CADPS2: variants seen among roughly 807,000 people sequenced by gnomAD.
CADPS2 encodes the protein calcium dependent secretion activator 2.
CADPS2 carries 93 observed loss-of-function variants against 172.5 expected under a neutral mutation model. The observed-to-expected ratio is 0.54, with a 90% CI of 0.46 to 0.64. The LOEUF (loss-of-function observed/expected upper bound fraction) is 0.64. Among genes scored for constraint, CADPS2 ranks in the 30% least tolerant of loss-of-function variants. The probability of loss-of-function intolerance (pLI) is 0.00; values close to 1 mark genes in which losing one functional copy is unlikely to be tolerated. For missense variants in CADPS2, 1,420 were observed against 1,565.9 expected (o/e 0.91, Z 1.57); for synonymous variants, 546 against 555.2 (o/e 0.98, Z 0.23).
intron 25 of CADPS2, among the ~76,000 whole-genome samples, chr7:122,370,634 G>T (rs1048189192): frequency 2.0e-5 from 3 of 152,112 alleles, no homozygotes; most frequent in Non-Finnish European, 4.4e-5. Context: ...GGCACAGAGG[G>T]CATTGGGTAA....
chr7:122,746,966 C>T (rs191108094), intron 1 of CADPS2, among the ~76,000 whole-genome samples: 13 of 152,212 alleles, frequency 8.5e-5, no homozygotes, highest in East Asian at 7.7e-4. Context: ...TCATTGACAG[C>T]GTCTGCCTCA....
chr7:122,542,608 C>T (rs2063213994), intron 8 of CADPS2, among the ~76,000 whole-genome samples: 1 of 152,100 alleles, frequency 6.6e-6, no homozygotes, highest in South Asian at 2.1e-4. Context: ...TATCTATATT[C>T]TTTGCAGTAT....
chr7:122,836,459 C>G (rs1808452191), intron 1 of CADPS2, among the ~76,000 whole-genome samples: 1 of 152,016 alleles, frequency 6.6e-6, no homozygotes, highest in Non-Finnish European at 1.5e-5. Context: ...TGGGCTAAAT[C>G]CTCCAATTAA....
intron 15 of CADPS2, among the ~76,000 whole-genome samples, chr7:122,448,482 T>C (rs575169214): frequency 6.6e-6 from 1 of 152,120 alleles, no homozygotes; most frequent in Non-Finnish European, 1.5e-5. Context: ...TATCCAAAGA[T>C]GATGTGCGTA....
intron 1 of CADPS2, among the ~76,000 whole-genome samples, chr7:122,819,812 T>C (rs35521156): frequency 0.22 from 32,671 of 151,724 alleles, 3,774 homozygotes; most frequent in Middle Eastern, 0.31. Context: ...CCACCTTAAT[T>C]CACAAGTATA....
intron 1 of CADPS2, among the ~76,000 whole-genome samples, chr7:122,777,397 G>A (rs568698542): frequency 5.9e-5 from 9 of 152,184 alleles, no homozygotes; most frequent in African/African-American, 1.4e-4. Flanking sequence ...AGAAAAAGGC[G>A]ACACCTTGTA....
At chr7:122,495,416 T>C (rs544701229) in intron 9 of CADPS2, among the ~76,000 whole-genome samples, 2 of 152,336 alleles carry the variant, frequency 1.3e-5, no homozygotes, top group East Asian at 1.9e-4. Context: ...CAAGTACTTT[T>C]TGCATGTTTC....
At chr7:122,834,499 C>G (rs1241204736) in intron 1 of CADPS2, among the ~76,000 whole-genome samples, 1 of 152,232 alleles carries the variant, frequency 6.6e-6, no homozygotes, top group East Asian at 1.9e-4. Context: ...ATGCCTCACC[C>G]GGGGAGCACA....
At chr7:122,448,490 G>T (rs1366501381) in intron 15 of CADPS2, among the ~76,000 whole-genome samples, 1 of 152,122 alleles carries the variant, frequency 6.6e-6, no homozygotes, top group Non-Finnish European at 1.5e-5. Context: ...GATGATGTGC[G>T]TATAAGAGAA....
At chr7:122,819,479 G>A (rs1400525505) in intron 1 of CADPS2, among the ~76,000 whole-genome samples, 2 of 152,000 alleles carry the variant, frequency 1.3e-5, no homozygotes, top group Admixed American at 6.6e-5. Context: ...GGTAAGCCCC[G>A]TCCCCTTCTT....
chr7:122,514,735 T>C (rs2060232558), intron 8 of CADPS2, among the ~76,000 whole-genome samples: 1 of 152,104 alleles, frequency 6.6e-6, no homozygotes, highest in South Asian at 2.1e-4. Flanking sequence ...TGATAACAAA[T>C]GTCCAACAGC....
At chr7:122,653,787 G>A (rs2079440099) in intron 3 of CADPS2, among the ~76,000 whole-genome samples, 1 of 151,906 alleles carries the variant, frequency 6.6e-6, no homozygotes, top group Admixed American at 6.6e-5. Flanking sequence ...TGTCACTATT[G>A]GAACTGTTTT....
At chr7:122,629,462 C>A in intron 3 of CADPS2, 134 bp from the exon 4 acceptor site, 1 of 502,982 alleles carries the variant, frequency 2.0e-6, no homozygotes, top group Non-Finnish European at 3.4e-6. Context: ...TATCAGATAT[C>A]TATTACAAAG....
At chr7:122,348,994 C>T (rs1366372353) in intron 27 of CADPS2, among the ~76,000 whole-genome samples, 1 of 152,110 alleles carries the variant, frequency 6.6e-6, no homozygotes, top group African/African-American at 2.4e-5. Context: ...CACCGAAAGT[C>T]ACTGCATCTA....
chr7:122,709,348 C>T (rs2088242643), intron 2 of CADPS2, among the ~76,000 whole-genome samples: 2 of 152,024 alleles, frequency 1.3e-5, no homozygotes, highest in South Asian at 4.1e-4. Context: ...AAATCAAAAC[C>T]ACAATGAGAT....
chr7:122,823,693 G>A (rs1382419816), intron 1 of CADPS2, among the ~76,000 whole-genome samples: 1 of 152,162 alleles, frequency 6.6e-6, no homozygotes. Context: ...TATTTTCATT[G>A]CAAGTAACAG....
In CADPS2 at chr7:122,490,237, C is replaced by G; in HGVS notation, c.1696G>C (p.Asp566His). Residue 566 changes from aspartate (D) to histidine (H), a missense_variant, in exon 11 of 30, where the codon GAT becomes CAT. Asp to His is a moderately conservative substitution (Grantham distance 81). Coordinates refer to ENST00000449022, the MANE Select transcript of CADPS2 (RefSeq NM_017954.11). The stretch of plus-strand genomic sequence containing the variant: ...TCATCACTGGCAAAGATTACAGTAT[C>G]TCCTTCTTTAACAGCATTAAAGAAC... ...CMFFNAVKEG[D>H]TVIFASDDEQ... is the part of the protein sequence containing the mutation. 6.2e-7 allele frequency: 1 copy of G among 1,613,246 alleles called. No homozygotes were observed. The highest frequency in any genetic ancestry group is 1.1e-5 in the South Asian group (1 of 91,070).
rs188754280 is a variant in CADPS2, at chr7:122,683,505, C to T, written c.454-19936G>A. ...TCACTTTTAAAAATACTTTTTGTTTCGTAACAATTTTATATATTATGGGGT... is the reference window on the plus strand; with the variant it reads ...TCACTTTTAAAAATACTTTTTGTTTTGTAACAATTTTATATATTATGGGGT... On this transcript the variant is annotated intron_variant, in intron 2 of 29. Coordinates refer to ENST00000449022, the MANE Select transcript of CADPS2 (RefSeq NM_017954.11). Among the ~76,000 whole-genome samples the T allele has an allele frequency of 3.6e-3, 546 of 152,078 alleles. 4 individuals carry two copies. The highest frequency in any genetic ancestry group is 0.024 in the Middle Eastern group (7 of 294).
At chr7:122,581,026 T>C (rs2068735209) in intron 7 of CADPS2, among the ~76,000 whole-genome samples, 153 bp downstream of exon 7, 1 of 152,124 alleles carries the variant, frequency 6.6e-6, no homozygotes, top group Admixed American at 6.6e-5. Context: ...TTTAATAAAT[T>C]AGAGGTGTAT....
Sources: gnomAD v4.1 joint callset for allele counts (sites outside exome capture counted in the v4.1 genomes callset) on GRCh38, gnomAD v4.1.1 for gene constraint, MANE v1.5 for transcripts, NCBI Gene and HGNC (gene_info 2026-07-23, HGNC 2026-07-21) for gene names.